PLCE1: variants seen among roughly 807,000 people sequenced by gnomAD.
PLCE1 encodes 1-phosphatidylinositol 4,5-bisphosphate phosphodiesterase epsilon-1.
Under a neutral mutation model 242.8 loss-of-function variants are expected in PLCE1, and 119 were observed. The observed-to-expected ratio is 0.49, with a 90% CI of 0.42 to 0.57. The LOEUF (loss-of-function observed/expected upper bound fraction) is 0.57. Among genes scored for constraint, PLCE1 ranks in the 20% least tolerant of loss-of-function variants. The probability of loss-of-function intolerance (pLI) is 0.00; values close to 1 mark genes in which losing one functional copy is unlikely to be tolerated. For missense variants in PLCE1, 2,441 were observed against 2,788.8 expected, an observed-to-expected ratio of 0.88 and a Z score of 2.81; for synonymous variants, 945 against 1,017.4, an observed-to-expected ratio of 0.93 and a Z score of 1.35.
chr10:94,327,907 G>A (rs948292708), intron 32 of PLCE1, 61 bp from the exon 33 acceptor site: 23 of 497,080 alleles, frequency 4.6e-5, no homozygotes, highest in African/African-American at 7.8e-5. Flanking sequence ...TTGGTATACC[G>A]CAAGTGTTTC....
intron 4 of PLCE1, among the ~76,000 whole-genome samples, chr10:94,181,723 T>A (rs1366076101): frequency 6.6e-6 from 1 of 151,944 alleles, no homozygotes; most frequent in Non-Finnish European, 1.5e-5. Flanking sequence ...AACCAGAAGT[T>A]CAAGACCAAC....
At chr10:94,238,421 C>G (rs2137372819) in intron 7 of PLCE1, among the ~76,000 whole-genome samples, 1 of 152,298 alleles carries the variant, frequency 6.6e-6, no homozygotes, top group Middle Eastern at 3.4e-3. Context: ...AACAGTAGAG[C>G]CGGGTCATGA....
chr10:94,138,189 G>T, intron 3 of PLCE1: 1 of 367,986 alleles, frequency 2.7e-6, no homozygotes, highest in South Asian at 2.4e-5. Context: ...CTAAGTCAAT[G>T]ATACAGTCTT....
chr10:94,304,449 C>A, intron 24 of PLCE1, 33 bp from the exon 25 acceptor site: 1 of 1,594,328 alleles, frequency 6.3e-7, no homozygotes, highest in African/African-American at 1.3e-5. Context: ...AAGTAACAAG[C>A]TATATTGGCT....
intron 4 of PLCE1, among the ~76,000 whole-genome samples, chr10:94,226,831 C>CTCTCTTTTTTTTT (rs67656949): frequency 9.8e-6 from 1 of 101,818 alleles, no homozygotes; most frequent in Non-Finnish European, 2.0e-5. Context: ...ACCTATAGGT[C>CTCTCTTTTTTTTT]TTTTTTTTTT....
chr10:94,276,539 TG>T (rs960106633), intron 19 of PLCE1, among the ~76,000 whole-genome samples: 4 of 152,224 alleles, frequency 2.6e-5, no homozygotes, highest in African/African-American at 9.6e-5. Flanking sequence ...TAAGTCACCA[TG>T]GTGTCTGCGT....
chr10:94,168,152 G>A (rs1186899251), intron 3 of PLCE1, among the ~76,000 whole-genome samples: 2 of 152,136 alleles, frequency 1.3e-5, no homozygotes, highest in East Asian at 3.9e-4. Flanking sequence ...AGAGCTACTC[G>A]GTTTTAAATC....
At position 94,316,585 on chromosome 10, in the gene PLCE1, A is replaced by T; in HGVS notation, c.6171A>T (p.Thr2057=). 6.2e-7 allele frequency: 1 copy of T among 1,609,492 alleles called. No homozygotes were observed. Among genetic ancestry groups the T allele is most frequent in the Non-Finnish European group, 8.5e-7 (1 of 1,176,812 alleles). The change falls in exon 29 of 33, where the codon ACA becomes ACT. Residue 2057 remains threonine (T), a synonymous_variant. Transcript: ENST00000371380. Reference sequence around the variant, plus strand: ...AACAAGACATCAAACCTGTTACCACAGACTATTTTTTGATGGAAGAAAAAT... The same window carrying T: ...AACAAGACATCAAACCTGTTACCACTGACTATTTTTTGATGGAAGAAAAAT... ...TNEQDIKPVT[T]DYFLMEEKYF... is the part of the protein sequence containing the mutation.
intron 2 of PLCE1, among the ~76,000 whole-genome samples, chr10:94,131,325 A>AT (rs141678458): frequency 0.014 from 2,072 of 152,278 alleles, 23 homozygotes; most frequent in Non-Finnish European, 0.022. Context: ...CTCATCGAAG[A>AT]TTGTGAAATC....
intron 1 of PLCE1, among the ~76,000 whole-genome samples, chr10:94,030,379 C>A (rs1289137070): frequency 6.7e-6 from 1 of 149,230 alleles, no homozygotes; most frequent in Non-Finnish European, 1.5e-5. Context: ...TTTTTTTCTT[C>A]TTTCAGACAT....
intron 7 of PLCE1, among the ~76,000 whole-genome samples, chr10:94,236,986 A>G (rs1433727627): frequency 6.6e-6 from 1 of 152,226 alleles, no homozygotes; most frequent in East Asian, 1.9e-4. Context: ...GAGAAAATAA[A>G]ACATACAAAA....
intron 24 of PLCE1, among the ~76,000 whole-genome samples, chr10:94,302,622 G>A (rs1396947277): frequency 6.6e-6 from 1 of 152,136 alleles, no homozygotes; most frequent in African/African-American, 2.4e-5. Context: ...TGGCTCAGTA[G>A]TTAAGATTGG....
At chr10:94,105,815 G>A (rs2045708590) in intron 2 of PLCE1, 1 of 152,050 alleles carries the variant, frequency 6.6e-6, no homozygotes, top group Admixed American at 6.6e-5. Context: ...TCTGTCCTCT[G>A]CTAATTAAAC....
chr10:94,289,907 C>T (rs2133406544), intron 22 of PLCE1, among the ~76,000 whole-genome samples: 1 of 152,262 alleles, frequency 6.6e-6, no homozygotes, highest in African/African-American at 2.4e-5. Flanking sequence ...CCTTAGCTTA[C>T]TGTAACTTTA....
chr10:94,137,288 C>T (rs1304761220), intron 3 of PLCE1, among the ~76,000 whole-genome samples: 3 of 152,158 alleles, frequency 2.0e-5, no homozygotes, highest in African/African-American at 7.2e-5. Flanking sequence ...ATAGCAGTGG[C>T]AGTCAAAAGA....
intron 27 of PLCE1, among the ~76,000 whole-genome samples, chr10:94,309,953 G>C (rs750981431): frequency 2.6e-5 from 4 of 152,174 alleles, no homozygotes; most frequent in Admixed American, 6.5e-5. Context: ...TTGAGTCCAG[G>C]AGTTTGAGGC....
Position 94,324,342 on chromosome 10 carries a change from C to T in PLCE1, c.6502-7C>T. On this transcript the variant is annotated splice_polypyrimidine_tract_variant and splice_region_variant and intron_variant, in intron 30 of 32. Coordinates refer to ENST00000371380, the MANE Select transcript of PLCE1 (RefSeq NM_016341.4). Reference sequence around the variant, plus strand: ...CTTTATTCAGTTGATCATAACTTACCTTTCAGACCTTATGCAAAGCCAAAT... The same window carrying T: ...CTTTATTCAGTTGATCATAACTTACTTTTCAGACCTTATGCAAAGCCAAAT... 1.2e-6 allele frequency: 2 copies of T among 1,606,012 alleles called. No individual in the cohort carries two copies. The highest frequency in any genetic ancestry group is 1.7e-6 in the Non-Finnish European group (2 of 1,172,728).
chr10:94,292,606 A>G (rs1264644291), intron 22 of PLCE1, among the ~76,000 whole-genome samples: 1 of 152,178 alleles, frequency 6.6e-6, no homozygotes, highest in Non-Finnish European at 1.5e-5. Context: ...TTGCCCTGCT[A>G]GGAACAGATT....
chr10:94,030,521 G>A (rs1268769501), intron 1 of PLCE1, among the ~76,000 whole-genome samples, 162 bp from the exon 2 acceptor site: 1 of 150,104 alleles, frequency 6.7e-6, no homozygotes, highest in African/African-American at 2.5e-5. Context: ...CAGAAGTTCT[G>A]AAACATTAAA....
Sources: gnomAD v4.1 joint callset for allele counts (sites outside exome capture counted in the v4.1 genomes callset) on GRCh38, gnomAD v4.1.1 for gene constraint, MANE v1.5 for transcripts, NCBI Gene and HGNC (gene_info 2026-07-23, HGNC 2026-07-21) for gene names.